The following LIMD1 variants were observed in gnomAD, a reference collection of about 807,000 sequenced individuals.
The protein encoded by LIMD1 is LIM domain containing 1, also known as LIM domain-containing protein 1.
In LIMD1, 23 loss-of-function variants were observed where a neutral mutation model predicts 58.4. That is an observed-to-expected ratio of 0.39 (90% confidence interval 0.28 to 0.56). The LOEUF (loss-of-function observed/expected upper bound fraction) is 0.56, where lower values mean the gene tolerates loss of function less well. Ranked by LOEUF, LIMD1 falls within the 20% of genes least tolerant of loss-of-function variation. LIMD1 has a pLI of 0.57. For missense variants in LIMD1, 838 were observed against 855.5 expected (o/e 0.98, Z 0.25); for synonymous variants, 334 against 345.5 (o/e 0.97, Z 0.37).
At chr3:45,619,681 C>G (rs1701611917) in intron 1 of LIMD1, among the ~76,000 whole-genome samples, 1 of 152,006 alleles carries the variant, frequency 6.6e-6, no homozygotes, top group Non-Finnish European at 1.5e-5. Context: ...CACCTGTAAT[C>G]CCAACTACTC....
chr3:45,673,421 C>G (rs1697620216), intron 5 of LIMD1, 33 bp from the exon 6 acceptor site: 1 of 1,603,092 alleles, frequency 6.2e-7, no homozygotes, highest in Non-Finnish European at 8.5e-7. Flanking sequence ...CTCCCAGAAG[C>G]AACATTTATT....
intron 2 of LIMD1, among the ~76,000 whole-genome samples, chr3:45,664,664 G>C (rs1697488447): frequency 6.6e-6 from 1 of 152,232 alleles, no homozygotes; most frequent in Admixed American, 6.5e-5. Context: ...AATGTTCTTT[G>C]ACAGTCTTGT....
chr3:45,652,475 T>G (rs1364953663), intron 2 of LIMD1, among the ~76,000 whole-genome samples: 1 of 152,234 alleles, frequency 6.6e-6, no homozygotes, highest in Non-Finnish European at 1.5e-5. Flanking sequence ...AATATTTGAT[T>G]GGCTGCCAGA....
rs748688215 is a variant in LIMD1, at chr3:45,595,120, G to A, written c.241G>A (p.Gly81Arg). Residue 81 changes from glycine (G) to arginine (R), a missense_variant, in exon 1 of 8, where the codon GGG becomes AGG. By Grantham distance (125) the Gly-to-Arg change is moderately radical. Around this residue, in one of 3 missense-constraint regions of LIMD1, gnomAD observed 659 missense variants for 639.8 expected, o/e 1.03. Transcript: ENST00000273317. The stretch of plus-strand genomic sequence containing the variant: ...GGGGAGTAGAGGCCCTGTCAATGGA[G>A]GGGGCCGCCTGGGCCCACAGGCCCG... ...PRGSRGPVNG[G>R]GRLGPQARWE... 1 of 1,608,690 alleles carries A rather than the reference G, an allele frequency of 6.2e-7. No homozygotes were observed. Among genetic ancestry groups the A allele is most frequent in the Admixed American group, 1.7e-5 (1 of 59,640 alleles).
Position 45,594,910 on chromosome 3 carries a change from G to A in LIMD1, c.31G>A (p.Ala11Thr), listed in dbSNP as rs1355731085. Reference sequence around the variant, plus strand: ...TAAGTATGACGACCTGGGCCTGGAGGCCAGTAAATTCATCGAGGACCTGAA... The same window carrying A: ...TAAGTATGACGACCTGGGCCTGGAGACCAGTAAATTCATCGAGGACCTGAA... MDKYDDLGLE[A>T]SKFIEDLNMY... The change falls in exon 1 of 8, where the codon GCC (alanine) becomes ACC (threonine). Residue 11 changes from alanine to threonine, a missense_variant. By Grantham distance (58) the Ala-to-Thr change is moderately conservative. This residue lies in a region of LIMD1 where 659 missense variants were observed against 639.8 expected (regional missense o/e 1.03). Coordinates refer to ENST00000273317, the MANE Select transcript of LIMD1 (RefSeq NM_014240.3). 6.2e-7 allele frequency: 1 copy of A among 1,611,582 alleles called. No individual in the cohort carries two copies. Among genetic ancestry groups the A allele is most frequent in the Non-Finnish European group, 8.5e-7 (1 of 1,179,548 alleles).
chr3:45,673,978 C>T (rs1035299582), intron 6 of LIMD1: 15 of 272,476 alleles, frequency 5.5e-5, no homozygotes, highest in African/African-American at 3.0e-4. Flanking sequence ...AACCCAGTAC[C>T]CTTCTTGTGC....
chr3:45,656,021 G>A (rs1405932980), intron 2 of LIMD1, among the ~76,000 whole-genome samples: 1 of 152,190 alleles, frequency 6.6e-6, no homozygotes, highest in East Asian at 1.9e-4. Context: ...ATTAAGTTAT[G>A]AGAGTGGATA....
At position 45,595,941 on chromosome 3, in the gene LIMD1, A is replaced by G. The variant is rs1701343595; in HGVS notation, c.1062A>G (p.Pro354=). The G allele has an allele frequency of 6.2e-7, 1 of 1,614,202 alleles. No homozygotes were observed. Among genetic ancestry groups the G allele is most frequent in the African/African-American group, 1.3e-5 (1 of 75,042 alleles). Residue 354 remains proline (P), a synonymous_variant, in exon 1 of 8, where the codon CCA becomes CCG. Transcript: ENST00000273317. ...YLSSSAPSSS[P]AGLDGSQQGA... ...CCAGTTCTGCCCCGTCATCCTCGCC[A>G]GCTGGTCTGGACGGTTCACAGCAGG...
intron 1 of LIMD1, among the ~76,000 whole-genome samples, chr3:45,611,900 G>A (rs1701527917): frequency 6.6e-6 from 1 of 152,160 alleles, no homozygotes; most frequent in Non-Finnish European, 1.5e-5. Context: ...CATGCCTGAC[G>A]GTGGGTGTGT....
intron 1 of LIMD1, 123 bp downstream of exon 1, chr3:45,596,410 T>C (rs1186530314): frequency 2.6e-6 from 2 of 780,522 alleles, no homozygotes; most frequent in African/African-American, 1.8e-5. Context: ...CCTGTTTTTT[T>C]ATTTTTTTGT....
At chr3:45,600,000 A>C (rs1575340610) in intron 1 of LIMD1, among the ~76,000 whole-genome samples, 1 of 151,338 alleles carries the variant, frequency 6.6e-6, no homozygotes, top group African/African-American at 2.4e-5. Flanking sequence ...CCTCCAGACC[A>C]CTCCTCCCTT....
chr3:45,647,394 A>G (rs60755812), intron 2 of LIMD1, among the ~76,000 whole-genome samples: 4,601 of 152,214 alleles, frequency 0.03, 76 homozygotes, highest in Non-Finnish European at 0.041. Flanking sequence ...AGGCTGGCTG[A>G]GTGTGGATCC....
At chr3:45,596,508 C>T (rs543443501) in intron 1 of LIMD1, among the ~76,000 whole-genome samples, 6 of 152,150 alleles carry the variant, frequency 3.9e-5, no homozygotes, top group Non-Finnish European at 7.4e-5. Context: ...CTGGGGTTAC[C>T]CATGTGTGAA....
At chr3:45,604,239 G>T (rs1381614178) in intron 1 of LIMD1, among the ~76,000 whole-genome samples, 1 of 152,148 alleles carries the variant, frequency 6.6e-6, no homozygotes, top group Non-Finnish European at 1.5e-5. Flanking sequence ...AGCTCGCCCT[G>T]TAACAGCGGT....
rs1224717444 is a variant in LIMD1 at position 45,681,030 on chromosome 3, C to T, written c.*3971C>T. 2 of 149,162 alleles carry T rather than the reference C, an allele frequency of 1.3e-5. No homozygotes were observed. The highest frequency in any genetic ancestry group is 4.9e-5 in the African/African-American group (2 of 40,452). The allele number at this position is 149,162 out of a possible 1,614,324, so 9.2% of individuals were successfully genotyped here. ...GTCTCAAAAAAAAAAAAAAAAGTAA[C>T]AGAAAAAAGAGTGAAATATATTAGC... On this transcript the variant is annotated 3_prime_UTR_variant, in exon 8 of 8. Coordinates refer to ENST00000273317, the MANE Select transcript of LIMD1 (RefSeq NM_014240.3).
intron 2 of LIMD1, among the ~76,000 whole-genome samples, chr3:45,649,680 C>CAAAAAA (rs748471672): frequency 1.0e-5 from 1 of 95,266 alleles, no homozygotes; most frequent in East Asian, 3.1e-4. Flanking sequence ...GACTCTGTCT[C>CAAAAAA]AAAAAAAAAA....
intron 1 of LIMD1, 157 bp from the exon 2 acceptor site, chr3:45,635,993 A>T (rs1167876312): frequency 2.0e-6 from 2 of 985,152 alleles, no homozygotes; most frequent in South Asian, 4.7e-5. Flanking sequence ...TGACAGAGGG[A>T]GAGGGAGAGA....
intron 2 of LIMD1, among the ~76,000 whole-genome samples, chr3:45,663,868 ATTT>A (rs553757543): frequency 1.9e-5 from 2 of 102,886 alleles, no homozygotes; most frequent in Admixed American, 1.1e-4. Context: ...TGCCTGGCTA[ATTT>A]TTTTTTTTTT....
intron 2 of LIMD1, among the ~76,000 whole-genome samples, chr3:45,653,679 G>C (rs1701996065): frequency 1.3e-5 from 2 of 152,228 alleles, no homozygotes; most frequent in African/African-American, 4.8e-5. Context: ...GGAGGCTGAG[G>C]TAGCCAGATC....
Sources: gnomAD v4.1 joint callset for allele counts (sites outside exome capture counted in the v4.1 genomes callset) on GRCh38, gnomAD v4.1.1 for gene constraint, gnomAD v4.1.1 regional missense constraint, MANE v1.5 for transcripts, NCBI Gene and HGNC (gene_info 2026-07-23, HGNC 2026-07-21) for gene names.